The following ADGRL2 variants were observed in gnomAD, a reference collection of about 807,000 sequenced individuals.
The protein encoded by ADGRL2 is adhesion G protein-coupled receptor L2, also known as calcium-independent alpha-latrotoxin receptor 2.
A neutral mutation model predicts 157.4 loss-of-function variants in ADGRL2; 44 were observed. That is an observed-to-expected ratio of 0.28 (90% CI 0.22 to 0.36). The LOEUF is 0.36. ADGRL2 is among the 10% of genes least tolerant of loss of function. The pLI is 1.00. For missense variants in ADGRL2, 1,510 were observed against 1,768.9 expected, an observed-to-expected ratio of 0.85 and a Z score of 2.63; for synonymous variants, 585 against 624.7, an observed-to-expected ratio of 0.94 and a Z score of 0.95.
intron 3 of ADGRL2, among the ~76,000 whole-genome samples, chr1:81,911,022 C>T (rs1409905643): frequency 1.3e-5 from 2 of 151,456 alleles, no homozygotes; most frequent in East Asian, 1.9e-4. Context: ...TTGTGTTTTT[C>T]ACTCCCTTTC....
At chr1:81,591,832 T>A (rs2081139509) in intron 3 of ADGRL2, among the ~76,000 whole-genome samples, 1 of 152,136 alleles carries the variant, frequency 6.6e-6, no homozygotes, top group Non-Finnish European at 1.5e-5. Flanking sequence ...CTGAATCCTG[T>A]CAACAATCAC....
intron 2 of ADGRL2, among the ~76,000 whole-genome samples, chr1:81,493,634 G>A (rs552197383): frequency 6.6e-6 from 1 of 152,136 alleles, no homozygotes. Flanking sequence ...CATCAGTGAA[G>A]TAATTTCTAT....
chr1:81,514,948 A>T (rs1462521453), intron 2 of ADGRL2: 2 of 152,226 alleles, frequency 1.3e-5, no homozygotes, highest in African/African-American at 4.8e-5. Flanking sequence ...ATGATAGAAA[A>T]ACAAGGACAC....
chr1:81,936,148 T>A lies in ADGRL2; in HGVS notation c.288-580T>A, dbSNP rs115111760. Among the ~76,000 whole-genome samples the A allele has an allele frequency of 5.6e-3, 847 of 151,982 alleles. 12 individuals carry two copies. The highest frequency in any genetic ancestry group is 0.019 in the African/African-American group (799 of 41,536). On this transcript the variant is annotated intron_variant, in intron 3 of 23. Transcript: ENST00000686636. The stretch of plus-strand genomic sequence containing the variant: ...TTTATCATTTATGTGGACCATAGCA[T>A]ATAAGGTGAGCTCTACTAGCTTAGT...
intron 1 of ADGRL2, among the ~76,000 whole-genome samples, chr1:81,834,490 G>A (rs2092158541): frequency 1.3e-5 from 2 of 151,980 alleles, no homozygotes; most frequent in South Asian, 2.1e-4. Flanking sequence ...TTATTTATTC[G>A]TTCTATTCTT....
chr1:81,787,863 T>C (rs748684771), intron 2 of ADGRL2, among the ~76,000 whole-genome samples: 2 of 152,146 alleles, frequency 1.3e-5, no homozygotes, highest in Non-Finnish European at 2.9e-5. Context: ...TTGAACAAAG[T>C]AAAGCACTAT....
At chr1:81,805,125 T>G (rs952460290) in intron 1 of ADGRL2, among the ~76,000 whole-genome samples, 1 of 152,156 alleles carries the variant, frequency 6.6e-6, no homozygotes. Flanking sequence ...TTCAGTTGGT[T>G]TATTTTAAAA....
intron 2 of ADGRL2, among the ~76,000 whole-genome samples, chr1:81,454,272 G>A (rs772600628): frequency 2.0e-5 from 3 of 151,666 alleles, no homozygotes; most frequent in East Asian, 1.9e-4. Flanking sequence ...CAAATGTAGC[G>A]TGAAGATTTC....
At chr1:81,978,652 G>A (rs1660828075) in intron 17 of ADGRL2, among the ~76,000 whole-genome samples, 1 of 151,748 alleles carries the variant, frequency 6.6e-6, no homozygotes, top group South Asian at 2.1e-4. Flanking sequence ...TCATTAGGAA[G>A]GACTTGGAAA....
At chr1:81,349,715 C>T (rs887796054) in intron 1 of ADGRL2, among the ~76,000 whole-genome samples, 2 of 151,718 alleles carry the variant, frequency 1.3e-5, no homozygotes, top group African/African-American at 4.8e-5. Context: ...CTCATCAGCA[C>T]GTCCATGCTT....
chr1:81,884,264 C>T (rs879886588), intron 2 of ADGRL2, among the ~76,000 whole-genome samples: 4 of 152,164 alleles, frequency 2.6e-5, no homozygotes, highest in South Asian at 2.1e-4. Flanking sequence ...CACGAGCCAC[C>T]GCGCCCATCC....
intron 2 of ADGRL2, among the ~76,000 whole-genome samples, chr1:81,463,146 G>GAA (rs2077977228): frequency 1.4e-5 from 2 of 147,460 alleles, no homozygotes; most frequent in South Asian, 4.3e-4. Flanking sequence ...AAAAAGAAAA[G>GAA]AAAAAACAAG....
At chr1:81,572,362 T>C (rs1322765760) in intron 2 of ADGRL2, among the ~76,000 whole-genome samples, 1 of 152,188 alleles carries the variant, frequency 6.6e-6, no homozygotes, top group East Asian at 1.9e-4. Context: ...GCACCTACAA[T>C]GTGCCAAGCA....
rs572353108 is a variant in ADGRL2 at position 81,773,920 on chromosome 1, G to T, written c.-101+12068G>T. 2.3e-3 allele frequency among the ~76,000 whole-genome samples: 357 copies of T among 152,262 alleles called. 1 individual carries two copies. Among genetic ancestry groups the T allele is most frequent in the South Asian group, 4.1e-3 (20 of 4,830 alleles). ...CATCGGGGTGGCCCCAATGCCATATGACTGGTGGCCTTATAGGAAGGGAAG... is the reference window on the plus strand; with the variant it reads ...CATCGGGGTGGCCCCAATGCCATATTACTGGTGGCCTTATAGGAAGGGAAG... On this transcript the variant is annotated intron_variant, in intron 2 of 20. Transcript: ENST00000359929.
intron 2 of ADGRL2, among the ~76,000 whole-genome samples, chr1:81,468,532 C>T (rs1319103790): frequency 6.6e-6 from 1 of 152,082 alleles, no homozygotes; most frequent in African/African-American, 2.4e-5. Context: ...GAATACAAAC[C>T]ATGTTTTTTA....
At chr1:81,485,356 T>C (rs1205495100) in intron 2 of ADGRL2, among the ~76,000 whole-genome samples, 1 of 152,078 alleles carries the variant, frequency 6.6e-6, no homozygotes, top group Non-Finnish European at 1.5e-5. Context: ...GCCTAGAGTC[T>C]CCATGTTGCC....
At chr1:81,465,251 C>T (rs552132504) in intron 2 of ADGRL2, among the ~76,000 whole-genome samples, 50 of 152,096 alleles carry the variant, frequency 3.3e-4, no homozygotes, top group African/African-American at 1.2e-3. Flanking sequence ...AACTCATTGA[C>T]AATTATACTA....
intron 3 of ADGRL2, among the ~76,000 whole-genome samples, chr1:81,683,512 T>C (rs1003262377): frequency 6.6e-6 from 1 of 152,174 alleles, no homozygotes; most frequent in Non-Finnish European, 1.5e-5. Flanking sequence ...CCTCATAGCT[T>C]AGCTCCCACA....
intron 2 of ADGRL2, among the ~76,000 whole-genome samples, chr1:81,888,397 C>A (rs1278589586): frequency 6.6e-6 from 1 of 152,024 alleles, no homozygotes; most frequent in African/African-American, 2.4e-5. Context: ...ATAGGAAAAC[C>A]TTGTTTTATT....
Sources: allele counts gnomAD v4.1 joint callset (sites outside exome capture counted in the v4.1 genomes callset), GRCh38; gene constraint gnomAD v4.1.1; transcripts MANE v1.5; gene names NCBI Gene and HGNC (gene_info 2026-07-23, HGNC 2026-07-21).